The following SORCS3 variants were observed in gnomAD, a reference collection of about 807,000 sequenced individuals.
The protein encoded by SORCS3 is sortilin related VPS10 domain containing receptor 3.
In SORCS3, 57 loss-of-function variants were observed where a neutral mutation model predicts 146.3. That is an observed-to-expected ratio of 0.39 (90% confidence interval 0.31 to 0.49). The LOEUF (loss-of-function observed/expected upper bound fraction) is 0.49. Ranked by LOEUF, SORCS3 falls within the 20% of genes least tolerant of loss-of-function variation. SORCS3 has a pLI of 0.92. For synonymous variants in SORCS3, 653 were observed against 618.5 expected (o/e 1.06, Z -0.83); for missense variants, 1,341 against 1,575.5 (o/e 0.85, Z 2.52).
At chr10:104,855,660 G>C (rs1316320862) in intron 2 of SORCS3, among the ~76,000 whole-genome samples, 1 of 152,036 alleles carries the variant, frequency 6.6e-6, no homozygotes, top group Non-Finnish European at 1.5e-5. Flanking sequence ...ATTGTCTTTT[G>C]TGTGTTGACA....
chr10:104,697,039 T>G (rs1192984980), intron 1 of SORCS3, among the ~76,000 whole-genome samples: 1 of 151,700 alleles, frequency 6.6e-6, no homozygotes, highest in Non-Finnish European at 1.5e-5. Flanking sequence ...GTTCTGGGGA[T>G]CTAATGTCCA....
At chr10:105,138,469 G>A (rs1289320349) in intron 7 of SORCS3, among the ~76,000 whole-genome samples, 1 of 152,218 alleles carries the variant, frequency 6.6e-6, no homozygotes, top group Non-Finnish European at 1.5e-5. Flanking sequence ...TGAGAATGAA[G>A]CATGTGCCTT....
intron 5 of SORCS3, among the ~76,000 whole-genome samples, chr10:105,067,386 A>G (rs2055529252): frequency 6.6e-6 from 1 of 152,132 alleles, no homozygotes; most frequent in Non-Finnish European, 1.5e-5. Context: ...AATTAGCCAG[A>G]TGTGGTGGCA....
intron 19 of SORCS3, among the ~76,000 whole-genome samples, chr10:105,219,478 C>G (rs748590254): frequency 5.3e-5 from 8 of 152,170 alleles, no homozygotes; most frequent in Admixed American, 6.5e-5. Context: ...ATAAACCATA[C>G]TGTTTTCAAG....
At chr10:105,109,913 TTTTC>T (rs1476376162) in intron 7 of SORCS3, among the ~76,000 whole-genome samples, 3 of 152,078 alleles carry the variant, frequency 2.0e-5, no homozygotes, top group Non-Finnish European at 4.4e-5. Context: ...AGATTGAATT[TTTTC>T]TTTATTTTTT....
At chr10:104,905,764 G>A (rs2018898496) in intron 2 of SORCS3, among the ~76,000 whole-genome samples, 1 of 152,158 alleles carries the variant, frequency 6.6e-6, no homozygotes, top group South Asian at 2.1e-4. Context: ...CTGAGCACTG[G>A]GAAAGCAGAG....
intron 2 of SORCS3, among the ~76,000 whole-genome samples, chr10:104,857,682 A>C (rs181307274): frequency 1.3e-5 from 2 of 152,238 alleles, no homozygotes; most frequent in African/African-American, 4.8e-5. Flanking sequence ...TGGATTCTAC[A>C]ACATTGGGGT....
chr10:105,020,756 C>T (rs1313904076), intron 4 of SORCS3, among the ~76,000 whole-genome samples: 1 of 152,184 alleles, frequency 6.6e-6, no homozygotes, highest in East Asian at 1.9e-4. Flanking sequence ...CTGATTCTCA[C>T]CGTCACCTCC....
chr10:104,699,419 G>T (rs2016254523), intron 1 of SORCS3, among the ~76,000 whole-genome samples: 1 of 152,108 alleles, frequency 6.6e-6, no homozygotes, highest in African/African-American at 2.4e-5. Flanking sequence ...ACAAGTATGA[G>T]CTCAGAGGGA....
Position 105,181,194 on chromosome 10 carries a change from A to C in SORCS3, c.2009+3021A>C, listed in dbSNP as rs115372473. Among the ~76,000 whole-genome samples the C allele has an allele frequency of 3.4e-3, 513 of 152,362 alleles. 4 individuals carry two copies. The highest frequency in any genetic ancestry group is 0.011 in the African/African-American group (473 of 41,594). Reference sequence around the variant, plus strand: ...AAATGAATTATTAAATGGAAGAATCAAGTGACTTCTAAAAATCTTACCTTT... The same window carrying C: ...AAATGAATTATTAAATGGAAGAATCCAGTGACTTCTAAAAATCTTACCTTT... On this transcript the variant is annotated intron_variant, in intron 14 of 26. Coordinates refer to ENST00000369701, the MANE Select transcript of SORCS3 (RefSeq NM_014978.3).
intron 2 of SORCS3, among the ~76,000 whole-genome samples, chr10:104,870,562 TAGGGA>T (rs2018508904): frequency 6.6e-6 from 1 of 152,094 alleles, no homozygotes; most frequent in Admixed American, 6.5e-5. Context: ...GAGGGAGGAC[TAGGGA>T]AAGGATGATG....
intron 3 of SORCS3, among the ~76,000 whole-genome samples, chr10:104,917,288 G>A (rs2133601116): frequency 6.6e-6 from 1 of 152,038 alleles, no homozygotes; most frequent in Non-Finnish European, 1.5e-5. Context: ...TTAAATTATT[G>A]GATTTTAGAG....
intron 1 of SORCS3, among the ~76,000 whole-genome samples, chr10:104,764,335 T>G (rs1320743293): frequency 6.6e-6 from 1 of 152,176 alleles, no homozygotes; most frequent in Non-Finnish European, 1.5e-5. Context: ...GATTATGTAT[T>G]TCTAGCCAGC....
intron 1 of SORCS3, among the ~76,000 whole-genome samples, chr10:104,803,356 G>A (rs2017645763): frequency 6.6e-6 from 1 of 152,172 alleles, no homozygotes; most frequent in African/African-American, 2.4e-5. Flanking sequence ...TGTTAAGTCA[G>A]TGGCTTTCTG....
chr10:105,177,099 T>C (rs1190168487), intron 13 of SORCS3, among the ~76,000 whole-genome samples: 1 of 152,012 alleles, frequency 6.6e-6, no homozygotes, highest in Non-Finnish European at 1.5e-5. Flanking sequence ...GTTTATAATC[T>C]TGAGTTGAGA....
intron 1 of SORCS3, among the ~76,000 whole-genome samples, chr10:104,824,836 A>G (rs2017916846): frequency 6.6e-6 from 1 of 152,200 alleles, no homozygotes; most frequent in African/African-American, 2.4e-5. Context: ...CTGAGACCCA[A>G]GAGGGAGCAC....
At chr10:104,886,525 T>A (rs925599779) in intron 2 of SORCS3, among the ~76,000 whole-genome samples, 3 of 151,760 alleles carry the variant, frequency 2.0e-5, no homozygotes, top group Non-Finnish European at 2.9e-5. Context: ...GTAAAATATA[T>A]ACAGTTGTGT....
chr10:104,880,331 A>C (rs1158646323), intron 2 of SORCS3, among the ~76,000 whole-genome samples: 1 of 152,174 alleles, frequency 6.6e-6, no homozygotes, highest in Non-Finnish European at 1.5e-5. Flanking sequence ...TTCCCTCCTC[A>C]GTCTTTCCAT....
chr10:104,665,051 C>T (rs2015754295), intron 1 of SORCS3: 1 of 152,604 alleles, frequency 6.6e-6, no homozygotes, highest in Admixed American at 6.5e-5. Flanking sequence ...TAGAGCCTTC[C>T]AGCTGTCTGG....
Sources: gnomAD v4.1 joint callset for allele counts (sites outside exome capture counted in the v4.1 genomes callset) on GRCh38, gnomAD v4.1.1 for gene constraint, MANE v1.5 for transcripts, NCBI Gene and HGNC (gene_info 2026-07-23, HGNC 2026-07-21) for gene names.